Variants in VAV3 observed in about 807,000 individuals in gnomAD.
The protein encoded by VAV3 is guanine nucleotide exchange factor VAV3.
Under a neutral mutation model 131.2 loss-of-function variants are expected in VAV3, and 94 were observed. The ratio of observed to expected loss-of-function variants is 0.72; its 90% CI spans 0.61 to 0.85. The LOEUF (loss-of-function observed/expected upper bound fraction) is 0.85, where lower values mean the gene tolerates loss of function less well. VAV3 is among the 40% of genes least tolerant of loss of function. The pLI is 0.00. For missense variants in VAV3, 939 were observed against 1,002.7 expected, an observed-to-expected ratio of 0.94 and a Z score of 0.86; for synonymous variants, 349 against 342.0, an observed-to-expected ratio of 1.02 and a Z score of -0.22.
At chr1:107,677,735 TTC>T (rs796818664) in intron 19 of VAV3, 6 of 152,302 alleles carry the variant, frequency 3.9e-5, no homozygotes, top group African/African-American at 1.2e-4. Context: ...AATTCAAACA[TTC>T]TGTTATTTCA....
intron 19 of VAV3, chr1:107,669,137 G>C (rs1287888633): frequency 9.2e-7 from 1 of 1,086,348 alleles, no homozygotes; most frequent in Non-Finnish European, 1.1e-6. Flanking sequence ...AAAATTCTTG[G>C]CTGCACTTTC....
intron 20 of VAV3, among the ~76,000 whole-genome samples, chr1:107,625,642 G>A (rs1465299742): frequency 6.6e-6 from 1 of 152,230 alleles, no homozygotes; most frequent in Non-Finnish European, 1.5e-5. Flanking sequence ...TTAACTCAGT[G>A]TGAAGCGGTC....
chr1:107,586,712 T>C (rs1242218304), intron 25 of VAV3, among the ~76,000 whole-genome samples: 2 of 151,924 alleles, frequency 1.3e-5, no homozygotes, highest in Non-Finnish European at 2.9e-5. Context: ...GAAGGAAGCA[T>C]GGGGAAGGGG....
chr1:107,686,641 C>T (rs186854718), intron 18 of VAV3, among the ~76,000 whole-genome samples: 1 of 152,262 alleles, frequency 6.6e-6, no homozygotes, highest in African/African-American at 2.4e-5. Context: ...CCACACAAAA[C>T]AGAGATTTTT....
intron 20 of VAV3, among the ~76,000 whole-genome samples, chr1:107,629,610 A>C (rs1299301629): frequency 6.6e-6 from 1 of 152,182 alleles, no homozygotes; most frequent in Non-Finnish European, 1.5e-5. Context: ...TTTCAAGGGA[A>C]GAGGAAGAAA....
chr1:107,641,479 G>A (rs780099858), intron 20 of VAV3, among the ~76,000 whole-genome samples: 2 of 151,992 alleles, frequency 1.3e-5, no homozygotes, highest in Admixed American at 6.6e-5. Context: ...CATGAAATTC[G>A]AGAATTTAAT....
chr1:107,623,605 T>C (rs974548334), intron 20 of VAV3, among the ~76,000 whole-genome samples: 3 of 152,208 alleles, frequency 2.0e-5, no homozygotes, highest in Non-Finnish European at 4.4e-5. Context: ...TCATTGTTAA[T>C]TGCTTCCTAT....
At chr1:107,797,044 A>G (rs1202345273) in intron 2 of VAV3, among the ~76,000 whole-genome samples, 2 of 152,136 alleles carry the variant, frequency 1.3e-5, no homozygotes, top group African/African-American at 4.8e-5. Context: ...TCCTCAAATT[A>G]CTACAATATG....
chr1:107,760,952 C>G, intron 9 of VAV3, 73 bp from the exon 10 acceptor site: 1 of 989,676 alleles, frequency 1.0e-6, no homozygotes, highest in Admixed American at 2.0e-5. Context: ...CTAGGCAGAA[C>G]AGTTATTATA....
At chr1:107,749,673 C>A in intron 13 of VAV3, 79 bp from the exon 14 acceptor site, 1 of 1,502,244 alleles carries the variant, frequency 6.7e-7, no homozygotes, top group Non-Finnish European at 8.9e-7. Context: ...ATAAAGCAAC[C>A]AAATGTTTTT....
intron 15 of VAV3, among the ~76,000 whole-genome samples, chr1:107,735,496 T>C (rs571667926): frequency 6.6e-6 from 1 of 152,006 alleles, no homozygotes; most frequent in African/African-American, 2.4e-5. Flanking sequence ...AAGAATCAAA[T>C]AGACGCAATA....
At chr1:107,880,069 A>G (rs897979834) in intron 1 of VAV3, among the ~76,000 whole-genome samples, 2 of 152,376 alleles carry the variant, frequency 1.3e-5, no homozygotes, top group African/African-American at 4.8e-5. Context: ...CTCTATACTC[A>G]AAGGCTTATT....
intron 2 of VAV3, among the ~76,000 whole-genome samples, chr1:107,848,074 G>A (rs912700901): frequency 1.3e-5 from 2 of 152,122 alleles, no homozygotes; most frequent in Non-Finnish European, 2.9e-5. Flanking sequence ...AGCACTTTGG[G>A]AGGCTGAGGA....
At chr1:107,809,728 G>A (rs1667230349) in intron 2 of VAV3, among the ~76,000 whole-genome samples, 1 of 152,094 alleles carries the variant, frequency 6.6e-6, no homozygotes, top group African/African-American at 2.4e-5. Context: ...ATTTTTGTAG[G>A]CAAATCCCAT....
At chr1:107,669,271 C>T in intron 19 of VAV3, 1 of 1,272,886 alleles carries the variant, frequency 7.9e-7, no homozygotes, top group Admixed American at 2.5e-5. Context: ...CTTCTTTATC[C>T]TTCGCTGTGT....
intron 2 of VAV3, among the ~76,000 whole-genome samples, chr1:107,779,856 T>C (rs899148037): frequency 6.6e-6 from 1 of 152,178 alleles, no homozygotes; most frequent in Non-Finnish European, 1.5e-5. Context: ...TAGTACCCAC[T>C]AGCCACATGA....
intron 19 of VAV3, among the ~76,000 whole-genome samples, chr1:107,657,879 T>C (rs1456248190): frequency 1.3e-5 from 2 of 152,218 alleles, no homozygotes; most frequent in Non-Finnish European, 2.9e-5. Flanking sequence ...ACTTAATCAT[T>C]AGTACAGTCA....
intron 1 of VAV3, among the ~76,000 whole-genome samples, chr1:107,948,911 A>C (rs1674400785): frequency 6.6e-6 from 1 of 152,194 alleles, no homozygotes; most frequent in Admixed American, 6.5e-5. Context: ...AAATAGGACC[A>C]TTCTAGTCCA....
intron 2 of VAV3, among the ~76,000 whole-genome samples, chr1:107,781,333 A>C (rs1483538963): frequency 1.3e-5 from 2 of 152,226 alleles, no homozygotes; most frequent in African/African-American, 4.8e-5. Context: ...ATTTAATTGA[A>C]TTACATATAG....
Sources: gnomAD v4.1 joint callset for allele counts (sites outside exome capture counted in the v4.1 genomes callset) on GRCh38, gnomAD v4.1.1 for gene constraint, MANE v1.5 for transcripts, NCBI Gene and HGNC (gene_info 2026-07-23, HGNC 2026-07-21) for gene names.